The following CES1 variants were observed in gnomAD, a reference collection of about 807,000 sequenced individuals.
CES1 encodes liver carboxylesterase 1.
In CES1, 50 loss-of-function variants were observed where a neutral mutation model predicts 53.0. The ratio of observed to expected loss-of-function variants is 0.94; its 90% CI spans 0.75 to 1.19. The LOEUF (loss-of-function observed/expected upper bound fraction) is 1.19. Among genes scored for constraint, CES1 ranks in the 50% most tolerant of loss-of-function variants. CES1 has a pLI of 0.00. For synonymous variants in CES1, 202 were observed against 210.1 expected (o/e 0.96, Z 0.33); for missense variants, 534 against 538.0 (o/e 0.99, Z 0.07).
rs1597090376 is a variant in CES1 at position 55,828,151 on chromosome 16, T to C, written c.260+616A>G. On this transcript the variant is annotated intron_variant, in intron 2 of 13. Transcript: ENST00000360526. ...GCTCTGATGTCTGTAGGGTCCTTCC[T>C]ACCCTGGGGAGTGATGGTGAGGCCA... The C allele has an allele frequency of 2.3e-5, 4 of 174,196 alleles. No individual in the cohort carries two copies. The East Asian group carries it at 5.4e-4, about 24-fold the overall frequency. The allele number at this position is 174,196 out of a possible 1,614,324, so 10.8% of individuals were successfully genotyped here.
chr16:55,811,930 C>T (rs2031716644), intron 9 of CES1, among the ~76,000 whole-genome samples: 1 of 152,188 alleles, frequency 6.6e-6, no homozygotes, highest in African/African-American at 2.4e-5. Context: ...GCTTCCTGTC[C>T]TAAAGATAAG....
At chr16:55,822,392 G>T (rs1194173586) in intron 4 of CES1, among the ~76,000 whole-genome samples, 1 of 152,244 alleles carries the variant, frequency 6.6e-6, no homozygotes, top group Non-Finnish European at 1.5e-5. Context: ...GGATTCTGAA[G>T]GCGCAGCCAA....
At chr16:55,811,441 T>G (rs1239689421) in intron 9 of CES1, among the ~76,000 whole-genome samples, 1 of 152,102 alleles carries the variant, frequency 6.6e-6, no homozygotes, top group East Asian at 1.9e-4. Context: ...AATCCTTAAA[T>G]CCTGTCTTCG....
chr16:55,825,692 A>G (rs1290097239), intron 3 of CES1, among the ~76,000 whole-genome samples: 1 of 152,200 alleles, frequency 6.6e-6, no homozygotes, highest in African/African-American at 2.4e-5. Flanking sequence ...ACTGATGTGA[A>G]GATCAGAAGA....
chr16:55,830,747 A>G (rs563667701), intron 1 of CES1, among the ~76,000 whole-genome samples: 1 of 151,210 alleles, frequency 6.6e-6, no homozygotes, highest in Non-Finnish European at 1.5e-5. Flanking sequence ...GGATGGAAGG[A>G]AGGAAGGAAA....
chr16:55,808,395 G>A (rs2031530297), intron 11 of CES1, among the ~76,000 whole-genome samples: 3 of 152,250 alleles, frequency 2.0e-5, no homozygotes, highest in African/African-American at 7.2e-5. Flanking sequence ...CAGAGACAAT[G>A]AGAGGGCTAG....
intron 10 of CES1, 50 bp downstream of exon 10, chr16:55,810,877 C>T (rs1184336749): frequency 6.5e-7 from 1 of 1,546,896 alleles, no homozygotes; most frequent in South Asian, 1.1e-5. Context: ...TGGGCAAGTC[C>T]TTGTCCCTCT....
At chr16:55,819,046 C>T (rs535126460) in intron 7 of CES1, among the ~76,000 whole-genome samples, 28 of 152,302 alleles carry the variant, frequency 1.8e-4, no homozygotes, top group African/African-American at 6.3e-4. Context: ...CATAGATAGA[C>T]GGATTAACGA....
At chr16:55,817,555 T>C (rs1402441974) in intron 7 of CES1, among the ~76,000 whole-genome samples, 2 of 152,228 alleles carry the variant, frequency 1.3e-5, no homozygotes, top group Admixed American at 6.5e-5. Flanking sequence ...TTGCAGTGAC[T>C]GTAGTGTTGC....
At chr16:55,808,733 G>A (rs2031546749) in intron 11 of CES1, among the ~76,000 whole-genome samples, 1 of 152,102 alleles carries the variant, frequency 6.6e-6, no homozygotes, top group African/African-American at 2.4e-5. Context: ...ACATCTAATA[G>A]GATATGAATA....
chr16:55,828,713 C>T, intron 2 of CES1, 54 bp downstream of exon 2: 4 of 1,610,228 alleles, frequency 2.5e-6, no homozygotes, highest in Non-Finnish European at 3.4e-6. Context: ...TGCCTTGACT[C>T]CTTCCTGCAT....
intron 8 of CES1, among the ~76,000 whole-genome samples, chr16:55,813,315 A>G (rs4784583): frequency 0.058 from 8,780 of 152,170 alleles, 293 homozygotes; most frequent in Middle Eastern, 0.12. Context: ...TTACATGTCT[A>G]TATATTTCAA....
At position 55,810,910 on chromosome 16, in the gene CES1, G is replaced by C. The variant is rs762702634; in HGVS notation, c.1170+17C>G. On this transcript the variant is annotated intron_variant, in intron 10 of 13. Transcript: ENST00000360526. ...TCTCTGGGTCTCAGCCAATTCCCATGATTCCTAGACTCTTACAACAAGGGG... is the reference window on the plus strand; with the variant it reads ...TCTCTGGGTCTCAGCCAATTCCCATCATTCCTAGACTCTTACAACAAGGGG... The C allele has an allele frequency of 6.2e-7, 1 of 1,607,082 alleles. No homozygotes were observed. The highest frequency in any genetic ancestry group is 8.5e-7 in the Non-Finnish European group (1 of 1,174,114).
rs560426140 is a variant in CES1, at chr16:55,819,578, C to A, written c.863G>T (p.Arg288Leu). 6.3e-5 allele frequency: 102 copies of A among 1,614,158 alleles called. 1 individual carries two copies. In the South Asian group the frequency reaches 1.1e-3, roughly 17 times the overall value. ...CAAGAGCTCCTCTTCCGTCTTCTGT[C>A]GCAGGCAGTGAACCATGACAGCAGA... ...TTSAVMVHCL[R>L]QKTEEELLET... The change falls in exon 7 of 14, where the codon CGA becomes CTA. Residue 288 changes from arginine to leucine, a missense_variant. Coordinates refer to ENST00000360526, the MANE Select transcript of CES1 (RefSeq NM_001025195.2).
At position 55,820,406 on chromosome 16, in the gene CES1, A is replaced by G; in HGVS notation, c.767T>C (p.Leu256Pro). 4 of 1,600,446 alleles carry G rather than the reference A, an allele frequency of 2.5e-6. No homozygotes were observed. The highest frequency in any genetic ancestry group is 3.4e-6 in the Non-Finnish European group (4 of 1,170,922). ...GGGCTTGACATCACCTTTCTTCACC[A>G]GAACAGAAGTGAGGGCCACGCCACT... ...SESGVALTSVLVKKGDVKPLA... is the reference protein window; with the variant it reads ...SESGVALTSVPVKKGDVKPLA... Residue 256 changes from leucine (L) to proline (P), a missense_variant, in exon 6 of 14, where the codon CTG (leucine) becomes CCG (proline). This residue lies in a region of CES1 where 12 missense variants were observed against 37.2 expected (regional missense o/e 0.32). Transcript: ENST00000360526.
At chr16:55,826,472 AC>A (rs1383987142) in intron 2 of CES1, among the ~76,000 whole-genome samples, 177 bp from the exon 3 acceptor site, 1 of 152,148 alleles carries the variant, frequency 6.6e-6, no homozygotes, top group South Asian at 2.1e-4. Flanking sequence ...GCTGGGACTC[AC>A]TAAGGTCTCC....
At chr16:55,825,651 C>A (rs1213254133) in intron 3 of CES1, among the ~76,000 whole-genome samples, 2 of 152,244 alleles carry the variant, frequency 1.3e-5, no homozygotes, top group Non-Finnish European at 2.9e-5. Flanking sequence ...AGGCCACATA[C>A]AAGCTCAATG....
In CES1 at chr16:55,832,797, A is replaced by G. The variant is rs555301751; in HGVS notation, c.52+207T>C. On this transcript the variant is annotated intron_variant, in intron 1 of 13. Transcript: ENST00000360526. ...GCATTTGGGCGAGCAGTACAGGGCG[A>G]TCTCAGGATGTTCACCCTCCCTGCG... is the stretch of plus-strand genomic sequence containing the variant. Among the ~76,000 whole-genome samples, 9 of 152,306 alleles carry G rather than the reference A, an allele frequency of 5.9e-5. No homozygotes were observed. The South Asian group carries it at 8.3e-4, about 14-fold the overall frequency.
intron 8 of CES1, among the ~76,000 whole-genome samples, chr16:55,813,508 T>G (rs1163749182): frequency 6.6e-6 from 1 of 152,136 alleles, no homozygotes; most frequent in African/African-American, 2.4e-5. Context: ...CCTTCTTTTA[T>G]GTGTGGGTTT....
Sources: gnomAD v4.1 joint callset for allele counts (sites outside exome capture counted in the v4.1 genomes callset) on GRCh38, gnomAD v4.1.1 for gene constraint, gnomAD v4.1.1 regional missense constraint, MANE v1.5 for transcripts, NCBI Gene and HGNC (gene_info 2026-07-23, HGNC 2026-07-21) for gene names.